The following ST8SIA2 variants were observed in gnomAD, a reference collection of about 807,000 sequenced individuals.
ST8SIA2 encodes the protein ST8 alpha-N-acetyl-neuraminide alpha-2,8-sialyltransferase 2, also known as alpha-2,8-sialyltransferase 8B.
In ST8SIA2, 22 loss-of-function variants were observed where a neutral mutation model predicts 37.6. That is an observed-to-expected ratio of 0.58 (90% CI 0.42 to 0.83). The LOEUF is 0.83. Ranked by LOEUF, ST8SIA2 falls within the 40% of genes least tolerant of loss-of-function variation. The probability of loss-of-function intolerance (pLI) is 0.00; values close to 1 mark genes in which losing one functional copy is unlikely to be tolerated. For missense variants in ST8SIA2, 382 were observed against 484.7 expected (o/e 0.79, Z 1.99); for synonymous variants, 205 against 201.2 (o/e 1.02, Z -0.16).
intron 1 of ST8SIA2, among the ~76,000 whole-genome samples, chr15:92,417,221 G>A (rs931452709): frequency 9.2e-5 from 14 of 152,176 alleles, no homozygotes; most frequent in Non-Finnish European, 1.5e-4. Flanking sequence ...CCCCTCTGCC[G>A]GTGGTCCCAT....
chr15:92,402,793 A>G (rs2049480982), intron 1 of ST8SIA2, among the ~76,000 whole-genome samples: 1 of 152,026 alleles, frequency 6.6e-6, no homozygotes, highest in African/African-American at 2.4e-5. Flanking sequence ...GCTTCCCCGC[A>G]CGGAGTCTCA....
At chr15:92,448,838 T>C (rs2049861563) in intron 5 of ST8SIA2, among the ~76,000 whole-genome samples, 1 of 152,176 alleles carries the variant, frequency 6.6e-6, no homozygotes, top group African/African-American at 2.4e-5. Flanking sequence ...TCATGAGTTC[T>C]TCACCTTGAA....
intron 5 of ST8SIA2, among the ~76,000 whole-genome samples, chr15:92,453,195 A>G (rs74720686): frequency 0.012 from 1,808 of 152,240 alleles, 28 homozygotes; most frequent in East Asian, 0.08. Flanking sequence ...TGTATCCTTG[A>G]CAGATAGTTT....
intron 5 of ST8SIA2, among the ~76,000 whole-genome samples, chr15:92,461,117 A>G (rs546565114): frequency 6.6e-6 from 1 of 152,224 alleles, no homozygotes; most frequent in Admixed American, 6.5e-5. Context: ...TGGGCCAGTT[A>G]TCTAATAACC....
intron 1 of ST8SIA2, among the ~76,000 whole-genome samples, chr15:92,399,447 T>C (rs1596226918): frequency 6.6e-6 from 1 of 152,170 alleles, no homozygotes; most frequent in Non-Finnish European, 1.5e-5. Flanking sequence ...TGACGAGATC[T>C]GTGAGCAGGC....
At position 92,410,461 on chromosome 15, in the gene ST8SIA2, G is replaced by A. The variant is rs568066346; in HGVS notation, c.98+16299G>A. 3.3e-4 allele frequency among the ~76,000 whole-genome samples: 50 copies of A among 152,312 alleles called. No individual in the cohort carries two copies. The South Asian group carries it at 8.3e-3, about 25-fold the overall frequency. On this transcript the variant is annotated intron_variant, in intron 1 of 5. Coordinates refer to ENST00000268164, the MANE Select transcript of ST8SIA2 (RefSeq NM_006011.4). The stretch of plus-strand genomic sequence containing the variant: ...TTGCAGGACGGGGAGCAACAGCATC[G>A]TCACTGCTGCACCCTTCAGTCCACT...
At chr15:92,402,289 G>T (rs1015868245) in intron 1 of ST8SIA2, among the ~76,000 whole-genome samples, 1 of 152,192 alleles carries the variant, frequency 6.6e-6, no homozygotes, top group Non-Finnish European at 1.5e-5. Context: ...TATTTTGTCT[G>T]TGTCTGCTGG....
chr15:92,447,477 C>A (rs2049850487), intron 5 of ST8SIA2, among the ~76,000 whole-genome samples: 1 of 152,156 alleles, frequency 6.6e-6, no homozygotes, highest in African/African-American at 2.4e-5. Flanking sequence ...GCCCATCCAA[C>A]CACATGGCAG....
chr15:92,398,774 C>T (rs1184897878), intron 1 of ST8SIA2, among the ~76,000 whole-genome samples: 2 of 152,210 alleles, frequency 1.3e-5, no homozygotes, highest in African/African-American at 4.8e-5. Context: ...CCCATGCATG[C>T]TCTTGACCAT....
intron 1 of ST8SIA2, among the ~76,000 whole-genome samples, chr15:92,415,709 A>T (rs2049581581): frequency 6.6e-6 from 1 of 152,196 alleles, no homozygotes; most frequent in East Asian, 1.9e-4. Context: ...AGTTTTAAAC[A>T]GTAGCCTCTG....
At chr15:92,424,826 G>T (rs909701440) in intron 1 of ST8SIA2, among the ~76,000 whole-genome samples, 14 of 152,034 alleles carry the variant, frequency 9.2e-5, no homozygotes, top group Non-Finnish European at 2.1e-4. Context: ...TGGCCAGGCT[G>T]GTCTCAAACT....
At chr15:92,400,134 C>T (rs1448817950) in intron 1 of ST8SIA2, among the ~76,000 whole-genome samples, 1 of 152,206 alleles carries the variant, frequency 6.6e-6, no homozygotes, top group East Asian at 1.9e-4. Context: ...TCCTCCCAGG[C>T]CCTTCCTTTC....
chr15:92,410,722 A>G (rs2049542484), intron 1 of ST8SIA2, among the ~76,000 whole-genome samples: 1 of 152,234 alleles, frequency 6.6e-6, no homozygotes, highest in Non-Finnish European at 1.5e-5. Context: ...CTGACCTCCC[A>G]TGGTGAGCTG....
Position 92,449,103 on chromosome 15 carries a change from C to T in ST8SIA2, c.842+4174C>T, listed in dbSNP as rs150622326. Among the ~76,000 whole-genome samples, 337 of 152,192 alleles carry T rather than the reference C, an allele frequency of 2.2e-3. 1 individual carries two copies. The highest frequency in any genetic ancestry group is 4.0e-3 in the Non-Finnish European group (271 of 68,010). The stretch of plus-strand genomic sequence containing the variant: ...ATGATGCTGAGGTTTGTGATACAAA[C>T]GATCCCACCACCCAGGCACTAAACT... On this transcript the variant is annotated intron_variant, in intron 5 of 5. Transcript: ENST00000268164.
chr15:92,422,297 A>G (rs979612137), intron 1 of ST8SIA2: 1 of 152,172 alleles, frequency 6.6e-6, no homozygotes, highest in African/African-American at 2.4e-5. Context: ...CAGTTACATC[A>G]CTTCTGACCA....
At chr15:92,434,202 G>C (rs891710502) in intron 2 of ST8SIA2, 45 bp from the exon 3 acceptor site, 36 of 1,611,916 alleles carry the variant, frequency 2.2e-5, no homozygotes, top group Non-Finnish European at 3.1e-5. Flanking sequence ...TCGTCGGCTT[G>C]CTAACACATC....
chr15:92,453,724 G>A (rs1223732773), intron 5 of ST8SIA2, among the ~76,000 whole-genome samples: 2 of 152,344 alleles, frequency 1.3e-5, no homozygotes, highest in African/African-American at 2.4e-5. Flanking sequence ...GAGAGGTTTT[G>A]AGAGAGAAGG....
rs1318515024 is a variant in ST8SIA2, at chr15:92,395,424, T to C, written c.98+1262T>C. Among the ~76,000 whole-genome samples, 3 of 152,276 alleles carry C rather than the reference T, an allele frequency of 2.0e-5. No homozygotes were observed. In the East Asian group the frequency reaches 5.8e-4, roughly 29 times the overall value. On this transcript the variant is annotated intron_variant, in intron 1 of 5. Coordinates refer to ENST00000268164, the MANE Select transcript of ST8SIA2 (RefSeq NM_006011.4). Reference sequence around the variant, plus strand: ...ATGCCGAGGCCCCAAGGACAAAAACTTGTGACAAGTGCCGCTTCCTGCTCT... The same window carrying C: ...ATGCCGAGGCCCCAAGGACAAAAACCTGTGACAAGTGCCGCTTCCTGCTCT...
intron 1 of ST8SIA2, among the ~76,000 whole-genome samples, chr15:92,411,869 A>T (rs2049551929): frequency 6.6e-6 from 1 of 152,212 alleles, no homozygotes; most frequent in Non-Finnish European, 1.5e-5. Context: ...AAAAGACCCC[A>T]GAATTAAGCT....
Sources: allele counts gnomAD v4.1 joint callset (sites outside exome capture counted in the v4.1 genomes callset), GRCh38; gene constraint gnomAD v4.1.1; transcripts MANE v1.5; gene names NCBI Gene and HGNC (gene_info 2026-07-23, HGNC 2026-07-21).